The following TOGARAM2 variants were observed in gnomAD, a reference collection of about 807,000 sequenced individuals.
The protein encoded by TOGARAM2 is TOG array regulator of axonemal microtubules 2.
In TOGARAM2, 85 loss-of-function variants were observed where a neutral mutation model predicts 93.3. The ratio of observed to expected loss-of-function variants is 0.91; its 90% CI spans 0.76 to 1.09. The LOEUF is 1.09. Among genes scored for constraint, TOGARAM2 ranks in the 50% least tolerant of loss-of-function variants. The pLI, the probability that TOGARAM2 is intolerant of heterozygous loss-of-function variation, is 0.00. For synonymous variants in TOGARAM2, 593 were observed against 552.8 expected, an observed-to-expected ratio of 1.07 and a Z score of -1.02; for missense variants, 1,277 against 1,334.5, an observed-to-expected ratio of 0.96 and a Z score of 0.67.
chr2:29,002,553 G>C lies in TOGARAM2; in HGVS notation c.445G>C (p.Gly149Arg), dbSNP rs747929640. 3 of 1,613,560 alleles carry C rather than the reference G, an allele frequency of 1.9e-6. No individual in the cohort carries two copies. Among genetic ancestry groups the C allele is most frequent in the South Asian group, 1.1e-5 (1 of 91,032 alleles). The change falls in exon 5 of 20, where the codon GGA becomes CGA. Residue 149 changes from glycine (G) to arginine (R), a missense_variant. By Grantham distance (125) the Gly-to-Arg change is moderately radical (BLOSUM62 -2). Transcript: ENST00000379558. ...CTGTACAGCCTCTCTGGATCCAGGG[G>C]GAGGCCCCCAAGGAGTTCCCCTGCA... The part of the protein sequence containing the change: ...ASSRASLDPG[G>R]GPQGVPLHST...
At chr2:28,969,279 T>C (rs529108441) in intron 1 of TOGARAM2, among the ~76,000 whole-genome samples, 1 of 152,060 alleles carries the variant, frequency 6.6e-6, no homozygotes, top group African/African-American at 2.4e-5. Context: ...CATTGAAATG[T>C]GAGATTATTA....
At chr2:28,999,498 C>T in intron 4 of TOGARAM2, 30 bp downstream of exon 4, 1 of 1,547,896 alleles carries the variant, frequency 6.5e-7, no homozygotes, top group Non-Finnish European at 8.7e-7. Context: ...CACCCCTCAC[C>T]CACCCACTTC....
chr2:29,013,994 GC>G (rs1386495618), intron 7 of TOGARAM2, among the ~76,000 whole-genome samples: 2 of 152,220 alleles, frequency 1.3e-5, no homozygotes, highest in African/African-American at 4.8e-5. Context: ...TTTCAGGCAA[GC>G]CCATGGTCAT....
upstream of TOGARAM2, among the ~76,000 whole-genome samples, chr2:28,976,988 G>A (rs1330135098): frequency 6.6e-6 from 1 of 152,156 alleles, no homozygotes; most frequent in East Asian, 1.9e-4. Flanking sequence ...GGCAGTGCCA[G>A]CTTGCCTCCA....
At position 28,986,112 on chromosome 2, in the gene TOGARAM2, C is replaced by CA. The variant is rs34903095; in HGVS notation, c.-111+4592dup. Among the ~76,000 whole-genome samples the CA allele has an allele frequency of 3.3e-3, 313 of 95,040 alleles. 8 individuals carry two copies. The highest frequency in any genetic ancestry group is 0.011 in the East Asian group (26 of 2,426). 62.3% of individuals were successfully genotyped at this position (95,040 alleles called of 152,430 possible). ...TGGCCGACAGAGTGAAACTGTGTCT[C>CA]AAAAAAAAAAAAAAAAAAGATGTAG... On this transcript the variant is annotated intron_variant, in intron 1 of 19. Transcript: ENST00000379558.
At chr2:29,024,440 TG>T (rs1257551331) in intron 13 of TOGARAM2, 66 bp downstream of exon 13, 36 of 876,968 alleles carry the variant, frequency 4.1e-5, no homozygotes, top group Non-Finnish European at 3.3e-6. Flanking sequence ...GGAGAGGCCC[TG>T]GGATGTGAAA....
chr2:28,960,228 G>A (rs1671784276), intron 1 of TOGARAM2, among the ~76,000 whole-genome samples: 1 of 152,042 alleles, frequency 6.6e-6, no homozygotes, highest in Non-Finnish European at 1.5e-5. Context: ...TAAACTGAAG[G>A]CATCATCACA....
intron 1 of TOGARAM2, among the ~76,000 whole-genome samples, chr2:28,988,983 A>G (rs1672589556): frequency 6.6e-6 from 1 of 151,822 alleles, no homozygotes; most frequent in Non-Finnish European, 1.5e-5. Flanking sequence ...TTCTCTACCC[A>G]TCTCTGCTCA....
At chr2:29,017,333 C>A in intron 9 of TOGARAM2, 29 bp downstream of exon 9, 1 of 1,563,150 alleles carries the variant, frequency 6.4e-7, no homozygotes. Flanking sequence ...GGGATTTGCT[C>A]AGGCCTGGGG....
intron 15 of TOGARAM2, 121 bp from the exon 16 acceptor site, chr2:29,033,348 G>C: frequency 1.1e-6 from 1 of 938,266 alleles, no homozygotes; most frequent in South Asian, 1.6e-5. Context: ...GCTCAACTGT[G>C]ACATCTGAAG....
chr2:28,970,284 G>C (rs1021224203), intron 1 of TOGARAM2, among the ~76,000 whole-genome samples: 2 of 152,194 alleles, frequency 1.3e-5, no homozygotes, highest in African/African-American at 4.8e-5. Context: ...GAGTAGAGCT[G>C]CTACAGAATT....
At chr2:29,014,826 A>G (rs1034223727) in intron 8 of TOGARAM2, among the ~76,000 whole-genome samples, 72 of 152,128 alleles carry the variant, frequency 4.7e-4, no homozygotes, top group African/African-American at 1.6e-3. Context: ...CTGAAGGGGT[A>G]GGAGGGAGGA....
intron 15 of TOGARAM2, 64 bp downstream of exon 15, chr2:29,033,115 G>C: frequency 1.4e-6 from 2 of 1,393,340 alleles, no homozygotes. Flanking sequence ...GCTGAGCCTG[G>C]TAGCCTTCAT....
At chr2:29,008,833 T>A (rs1287349069) in intron 6 of TOGARAM2, among the ~76,000 whole-genome samples, 1 of 152,246 alleles carries the variant, frequency 6.6e-6, no homozygotes, top group Non-Finnish European at 1.5e-5. Flanking sequence ...CAAAAACCTC[T>A]GTGGCTTCTG....
In TOGARAM2 at chr2:28,999,334, C is replaced by CT. The variant is rs1286477985; in HGVS notation, c.296dup (p.Leu99PhefsTer27). ...CACCCCAGGAACCTCAGGGCCTTGT[C>CT]TTTGGGGGACCAGCCCCTGGTGCTC... On this transcript the variant is annotated frameshift_variant, in exon 4 of 20. Coordinates refer to ENST00000379558, the MANE Select transcript of TOGARAM2 (RefSeq NM_199280.4). LOFTEE classifies it high-confidence loss of function. The CT allele has an allele frequency of 1.2e-6, 2 of 1,613,830 alleles. No homozygotes were observed. The highest frequency in any genetic ancestry group is 1.7e-6 in the Non-Finnish European group (2 of 1,179,822).
chr2:29,049,799 C>T (rs142532624), intron 19 of TOGARAM2: 1 of 152,304 alleles, frequency 6.6e-6, no homozygotes, highest in African/African-American at 2.4e-5. Flanking sequence ...TTCCAGTTAT[C>T]AGGACCACCT....
intron 6 of TOGARAM2, among the ~76,000 whole-genome samples, chr2:29,003,887 C>T (rs952653982): frequency 4.6e-5 from 7 of 152,342 alleles, no homozygotes; most frequent in Non-Finnish European, 7.4e-5. Flanking sequence ...CTCTTGGCTC[C>T]GGCAGGCTGG....
chr2:28,993,008 C>G (rs1186612407), intron 1 of TOGARAM2, among the ~76,000 whole-genome samples: 1 of 147,216 alleles, frequency 6.8e-6, no homozygotes, highest in Non-Finnish European at 1.5e-5. Flanking sequence ...TGCAGTGAGC[C>G]AAGATCATGC....
chr2:28,987,893 G>A (rs560089665), intron 1 of TOGARAM2, among the ~76,000 whole-genome samples: 1 of 152,356 alleles, frequency 6.6e-6, no homozygotes, highest in Non-Finnish European at 1.5e-5. Flanking sequence ...GCTGGAGTCA[G>A]GGGCCTGAGT....
Sources: gnomAD v4.1 joint callset for allele counts (sites outside exome capture counted in the v4.1 genomes callset) on GRCh38, gnomAD v4.1.1 for gene constraint, MANE v1.5 for transcripts, NCBI Gene and HGNC (gene_info 2026-07-23, HGNC 2026-07-21) for gene names.